RBFOX1: variants seen among roughly 807,000 people sequenced by gnomAD.
RBFOX1 encodes the protein RNA binding protein fox-1 homolog 1.
Under a neutral mutation model 57.7 loss-of-function variants are expected in RBFOX1, and 8 were observed. The observed-to-expected ratio is 0.14, with a 90% CI of 0.08 to 0.25. The LOEUF (loss-of-function observed/expected upper bound fraction) is 0.25, where lower values mean the gene tolerates loss of function less well. Ranked by LOEUF, RBFOX1 falls within the 10% of genes least tolerant of loss-of-function variation. The pLI is 1.00. For synonymous variants in RBFOX1, 326 were observed against 222.4 expected (o/e 1.47, Z -4.15); for missense variants, 611 against 548.5 (o/e 1.11, Z -1.14).
intron 2 of RBFOX1, among the ~76,000 whole-genome samples, chr16:6,324,772 A>C (rs1381701273): frequency 3.3e-5 from 5 of 152,178 alleles, no homozygotes; most frequent in Admixed American, 3.3e-4. Flanking sequence ...CTAACTTCGA[A>C]TTTAGAAAGC....
chr16:5,956,827 G>A (rs1167442128), intron 4 of RBFOX1, among the ~76,000 whole-genome samples: 1 of 148,124 alleles, frequency 6.8e-6, no homozygotes, highest in Non-Finnish European at 1.5e-5. Context: ...GCACCACCAT[G>A]CCTGGCTAAT....
chr16:6,556,029 T>C (rs2097093514), intron 2 of RBFOX1, among the ~76,000 whole-genome samples: 1 of 152,186 alleles, frequency 6.6e-6, no homozygotes, highest in Non-Finnish European at 1.5e-5. Context: ...AGTCTTACTT[T>C]GAGGCACTAG....
chr16:6,419,863 G>C (rs1216236170), intron 2 of RBFOX1, among the ~76,000 whole-genome samples: 3 of 152,170 alleles, frequency 2.0e-5, no homozygotes, highest in Non-Finnish European at 4.4e-5. Flanking sequence ...ATTGAAGGTG[G>C]AGGTCAGTTC....
At position 6,629,972 on chromosome 16, in the gene RBFOX1, T is replaced by TAAA. The variant is rs201365180; in HGVS notation, c.-63-24631_-63-24630insAAA. On this transcript the variant is annotated intron_variant, in intron 2 of 15. Coordinates refer to ENST00000550418, the MANE Select transcript of RBFOX1 (RefSeq NM_018723.4). ...TTATTTCGGTAGGTTTTTTTTTTTTTTAAAAAAAAAAAAGACCATTGCTTT... is the reference window on the plus strand; with the variant it reads ...TTATTTCGGTAGGTTTTTTTTTTTTTAAATAAAAAAAAAAAAGACCATTGCTTT... Among the ~76,000 whole-genome samples the TAAA allele has an allele frequency of 4.4e-3, 337 of 75,868 alleles. 1 individual carries two copies. Among genetic ancestry groups the TAAA allele is most frequent in the Non-Finnish European group, 6.7e-3 (252 of 37,828 alleles). The allele number at this position is 75,868 out of a possible 152,430, so 49.8% of individuals were successfully genotyped here.
intron 4 of RBFOX1, among the ~76,000 whole-genome samples, chr16:7,276,004 G>T (rs918993900): frequency 6.6e-6 from 1 of 152,170 alleles, no homozygotes; most frequent in Admixed American, 6.5e-5. Flanking sequence ...ATTACACACT[G>T]CCTAAATTTC....
chr16:7,085,116 TG>T (rs2059793316), intron 4 of RBFOX1, among the ~76,000 whole-genome samples: 1 of 152,016 alleles, frequency 6.6e-6, no homozygotes, highest in African/African-American at 2.4e-5. Context: ...TGTGTGTGTT[TG>T]TGTGTGTACT....
chr16:6,310,704 G>A (rs1181065887), intron 1 of RBFOX1, among the ~76,000 whole-genome samples: 1 of 152,118 alleles, frequency 6.6e-6, no homozygotes, highest in African/African-American at 2.4e-5. Flanking sequence ...GAATATGACT[G>A]GGCACAGCCT....
rs542487142 is a variant in RBFOX1, at chr16:5,391,444, C to T, written c.220-75772C>T. On this transcript the variant is annotated intron_variant, in intron 1 of 2. Coordinates refer to the RBFOX1 transcript ENST00000585867. ...GCTAGCCAGGAAGGGTTAAATCCTT[C>T]TCACACTCCACATGTAAGGTCCCTT... Among the ~76,000 whole-genome samples the T allele has an allele frequency of 5.9e-5, 9 of 152,300 alleles. No individual in the cohort carries two copies. In the South Asian group the frequency reaches 1.9e-3, roughly 32 times the overall value.
chr16:5,719,039 T>C (rs1412961057), intron 3 of RBFOX1, among the ~76,000 whole-genome samples: 1 of 152,006 alleles, frequency 6.6e-6, no homozygotes, highest in Non-Finnish European at 1.5e-5. Context: ...ATCATGTGTA[T>C]AAGTGACTGG....
At chr16:7,079,486 C>A (rs1044593923) in intron 4 of RBFOX1, among the ~76,000 whole-genome samples, 1 of 152,188 alleles carries the variant, frequency 6.6e-6, no homozygotes, top group Non-Finnish European at 1.5e-5. Flanking sequence ...ATAGAGGGAG[C>A]TATTCAGCAA....
In RBFOX1 at chr16:5,354,225, G is replaced by A. The variant is rs1189277239; in HGVS notation, c.220-112991G>A. On this transcript the variant is annotated intron_variant, in intron 1 of 2. Coordinates refer to the RBFOX1 transcript ENST00000585867. ...GGCTGATGTCTCCTGAGCACTAGTG[G>A]GTGAGTCTCTCTGGTCTTTCTGTGT... Among the ~76,000 whole-genome samples, 3 of 152,120 alleles carry A rather than the reference G, an allele frequency of 2.0e-5. No individual in the cohort carries two copies. The East Asian group carries it at 5.8e-4, about 29-fold the overall frequency.
intron 1 of RBFOX1, among the ~76,000 whole-genome samples, chr16:6,254,831 G>A (rs1225080397): frequency 1.3e-5 from 2 of 152,064 alleles, no homozygotes; most frequent in Non-Finnish European, 2.9e-5. Context: ...CACTTCTCAT[G>A]TCCTCTTTCC....
intron 4 of RBFOX1, among the ~76,000 whole-genome samples, chr16:7,270,283 A>G (rs1434146746): frequency 6.6e-6 from 1 of 152,240 alleles, no homozygotes; most frequent in Non-Finnish European, 1.5e-5. Context: ...TCACACTAAC[A>G]TGTGAATGAC....
chr16:6,108,131 C>T (rs1213688362), intron 1 of RBFOX1, among the ~76,000 whole-genome samples: 3 of 152,090 alleles, frequency 2.0e-5, no homozygotes, highest in Non-Finnish European at 4.4e-5. Context: ...TTAAAAAAAT[C>T]TTTAATGACT....
chr16:6,418,076 C>G (rs9933333), intron 2 of RBFOX1, among the ~76,000 whole-genome samples: 2 of 151,928 alleles, frequency 1.3e-5, no homozygotes, highest in Non-Finnish European at 2.9e-5. Flanking sequence ...CCTCAGGCTC[C>G]TTACTGCCAT....
chr16:6,877,227 A>G (rs1364090180), intron 3 of RBFOX1, among the ~76,000 whole-genome samples: 2 of 152,220 alleles, frequency 1.3e-5, no homozygotes, highest in African/African-American at 4.8e-5. Context: ...AATACAGTCC[A>G]TATTTCATAA....
At chr16:5,516,174 G>A (rs1241078104) in intron 2 of RBFOX1, among the ~76,000 whole-genome samples, 1 of 152,216 alleles carries the variant, frequency 6.6e-6, no homozygotes, top group East Asian at 1.9e-4. Flanking sequence ...CCTCCAAAGG[G>A]AGTCAAGCTT....
rs148035207 is a variant in RBFOX1 at position 6,280,953 on chromosome 16, A to ATGTG, written c.-126-36030_-126-36027dup. Among the ~76,000 whole-genome samples the ATGTG allele has an allele frequency of 4.7e-5, 7 of 148,964 alleles. No individual in the cohort carries two copies. The South Asian group carries it at 6.4e-4, about 14-fold the overall frequency. Reference sequence around the variant, plus strand: ...TGCATGCTAGCAATGCTAGCAACATATGTGTGTGTGTGTGTATGTGTGTGT... The same window carrying ATGTG: ...TGCATGCTAGCAATGCTAGCAACATATGTGTGTGTGTGTGTGTGTATGTGTGTGT... On this transcript the variant is annotated intron_variant, in intron 1 of 15. Coordinates refer to ENST00000550418, the MANE Select transcript of RBFOX1 (RefSeq NM_018723.4).
intron 4 of RBFOX1, among the ~76,000 whole-genome samples, chr16:5,884,010 G>A (rs34025554): frequency 0.072 from 10,972 of 152,178 alleles, 455 homozygotes; most frequent in East Asian, 0.16. Flanking sequence ...GTGATTTCTG[G>A]TTCTCTTGTG....
Sources: gnomAD v4.1 joint callset for allele counts (sites outside exome capture counted in the v4.1 genomes callset) on GRCh38, gnomAD v4.1.1 for gene constraint, MANE v1.5 for transcripts, NCBI Gene and HGNC (gene_info 2026-07-23, HGNC 2026-07-21) for gene names.